Variants in NEK6 observed in about 807,000 individuals in gnomAD.
The protein encoded by NEK6 is serine/threonine-protein kinase Nek6.
Under a neutral mutation model 43.5 loss-of-function variants are expected in NEK6, and 27 were observed. That is an observed-to-expected ratio of 0.62 (90% CI 0.46 to 0.86). The LOEUF is 0.86. NEK6 is among the 40% of genes least tolerant of loss of function. The pLI is 0.00. For missense variants in NEK6, 318 were observed against 414.4 expected (o/e 0.77, Z 2.02); for synonymous variants, 167 against 164.1 (o/e 1.02, Z -0.14).
chr9:124,347,371 G>A (rs115250251), intron 8 of NEK6, among the ~76,000 whole-genome samples: 1,878 of 152,364 alleles, frequency 0.012, 54 homozygotes, highest in African/African-American at 0.043. Context: ...CCATGCACTC[G>A]GCAACCTGCC....
rs776267347 is a variant in NEK6 at position 124,326,461 on chromosome 9, C to T, written c.514+23C>T. On this transcript the variant is annotated intron_variant, in intron 6 of 9. Transcript: ENST00000320246. The surrounding 1 kb of genome is among the most constrained non-coding windows in gnomAD (Gnocchi z 4.5). Reference sequence around the variant, plus strand: ...GAGGTACGTGCCACCCGCCAGGAGCCGCCCGGAGCCACCTGGAGCCCAGGA... The same window carrying T: ...GAGGTACGTGCCACCCGCCAGGAGCTGCCCGGAGCCACCTGGAGCCCAGGA... 14 of 1,565,516 alleles carry T rather than the reference C, an allele frequency of 8.9e-6. No homozygotes were observed. Among genetic ancestry groups the T allele is most frequent in the East Asian group, 6.7e-5 (3 of 44,476 alleles).
intron 2 of NEK6, among the ~76,000 whole-genome samples, chr9:124,308,551 G>A (rs1469778016): frequency 1.3e-5 from 2 of 152,078 alleles, no homozygotes; most frequent in East Asian, 3.9e-4. Context: ...AGCTACTTGG[G>A]AGGCTGAGGC....
At chr9:124,331,795 G>T (rs967221455) in intron 7 of NEK6, among the ~76,000 whole-genome samples, 1 of 152,232 alleles carries the variant, frequency 6.6e-6, no homozygotes, top group Non-Finnish European at 1.5e-5. Context: ...TCATGGCCAG[G>T]CATCCCTGGG....
intron 1 of NEK6, among the ~76,000 whole-genome samples, chr9:124,264,904 C>T (rs971362696): frequency 2.6e-5 from 4 of 151,172 alleles, no homozygotes; most frequent in Non-Finnish European, 4.4e-5. Flanking sequence ...GGATGAGGAA[C>T]GTGAGCTCCG....
intron 1 of NEK6, among the ~76,000 whole-genome samples, chr9:124,288,546 A>G (rs1263012573): frequency 6.6e-6 from 1 of 152,138 alleles, no homozygotes; most frequent in East Asian, 1.9e-4. Context: ...GGCCTCCCAA[A>G]GTTCTGGGAT....
intron 1 of NEK6, among the ~76,000 whole-genome samples, chr9:124,299,487 T>G (rs1832850729): frequency 6.6e-6 from 1 of 152,216 alleles, no homozygotes. Context: ...CTGGGGCTCT[T>G]TATACCCTGG....
At chr9:124,283,128 G>A (rs1326890457) in intron 1 of NEK6, among the ~76,000 whole-genome samples, 1 of 152,236 alleles carries the variant, frequency 6.6e-6, no homozygotes, top group Non-Finnish European at 1.5e-5. Flanking sequence ...GCCCTGCTGA[G>A]CCCCACTTCT....
intron 8 of NEK6, among the ~76,000 whole-genome samples, chr9:124,341,785 G>A (rs1444327438): frequency 2.0e-5 from 3 of 152,150 alleles, no homozygotes; most frequent in Non-Finnish European, 4.4e-5. Flanking sequence ...TTGGAGGGAA[G>A]TCAGTGTCTT....
At chr9:124,291,882 A>G (rs2119056525) in intron 1 of NEK6, 5 of 985,640 alleles carry the variant, frequency 5.1e-6, no homozygotes, top group Non-Finnish European at 6.0e-6. Context: ...AGAGCAGCGC[A>G]TGGTGGGGGA....
chr9:124,350,608 G>C (rs1016268807), intron 9 of NEK6, among the ~76,000 whole-genome samples: 1 of 152,194 alleles, frequency 6.6e-6, no homozygotes, highest in Non-Finnish European at 1.5e-5. Context: ...TCAAAGCACA[G>C]CCTTTGGGAC....
intron 7 of NEK6, among the ~76,000 whole-genome samples, chr9:124,328,378 T>G (rs534986194): frequency 6.6e-6 from 1 of 152,066 alleles, no homozygotes; most frequent in East Asian, 1.9e-4. Context: ...GCCCATGGAG[T>G]GGGCGAGGGC....
chr9:124,282,479 G>C (rs527287754), intron 1 of NEK6, among the ~76,000 whole-genome samples: 3 of 152,350 alleles, frequency 2.0e-5, no homozygotes, highest in African/African-American at 7.2e-5. Flanking sequence ...CAAGGGTTTG[G>C]GGGGAACATT....
In NEK6 at chr9:124,351,047, C is replaced by A; in HGVS notation, c.*100C>A. The A allele has an allele frequency of 1.3e-6, 1 of 771,942 alleles. No individual in the cohort carries two copies. Among genetic ancestry groups the A allele is most frequent in the Non-Finnish European group, 2.1e-6 (1 of 465,254 alleles). 47.8% of individuals were successfully genotyped at this position (771,942 alleles called of 1,614,324 possible). ...CCTGGTAGCCTAGAACAGCTAAGACCACAGGGTTCAGCAGGTTCCCCAAAA... is the reference window on the plus strand; with the variant it reads ...CCTGGTAGCCTAGAACAGCTAAGACAACAGGGTTCAGCAGGTTCCCCAAAA... On this transcript the variant is annotated 3_prime_UTR_variant, in exon 10 of 10. Coordinates refer to ENST00000320246, the MANE Select transcript of NEK6 (RefSeq NM_014397.6).
chr9:124,311,020 A>T (rs1040280729), intron 2 of NEK6, among the ~76,000 whole-genome samples: 3 of 152,234 alleles, frequency 2.0e-5, no homozygotes, highest in African/African-American at 7.2e-5. Context: ...TGGGAGAAGG[A>T]CAGAGGAGAA....
intron 1 of NEK6, among the ~76,000 whole-genome samples, chr9:124,291,618 C>T (rs1318911815): frequency 6.6e-6 from 1 of 151,180 alleles, no homozygotes; most frequent in Admixed American, 6.6e-5. Context: ...AAGAGCGAAA[C>T]TCCATCTCAA....
At chr9:124,325,983 G>T (rs1019237214) in intron 5 of NEK6, among the ~76,000 whole-genome samples, 3 of 152,184 alleles carry the variant, frequency 2.0e-5, no homozygotes, top group Non-Finnish European at 2.9e-5. Flanking sequence ...TGTGGAGGGG[G>T]TGTCCAGGAG....
At chr9:124,309,583 T>G (rs949225989) in intron 2 of NEK6, among the ~76,000 whole-genome samples, 1 of 152,206 alleles carries the variant, frequency 6.6e-6, no homozygotes, top group African/African-American at 2.4e-5. Flanking sequence ...CTAGCCTGTT[T>G]CCTGATTTGC....
chr9:124,321,198 C>T (rs1179595358), intron 4 of NEK6, among the ~76,000 whole-genome samples: 1 of 152,346 alleles, frequency 6.6e-6, no homozygotes, highest in East Asian at 1.9e-4. Flanking sequence ...TGACCCATGT[C>T]GTCTTCACAA....
chr9:124,321,317 C>A (rs1222822942), intron 4 of NEK6, 142 bp from the exon 5 acceptor site: 1 of 607,730 alleles, frequency 1.6e-6, no homozygotes, highest in East Asian at 2.8e-5. Flanking sequence ...CCAGCACAGG[C>A]CTTTCTTTCC....
Sources: gnomAD v4.1 joint callset for allele counts (sites outside exome capture counted in the v4.1 genomes callset) on GRCh38, gnomAD v4.1.1 for gene constraint, Gnocchi (gnomAD v3.1) non-coding constraint, MANE v1.5 for transcripts, NCBI Gene and HGNC (gene_info 2026-07-23, HGNC 2026-07-21) for gene names.